The following KIF24 variants were observed in gnomAD, a reference collection of about 807,000 sequenced individuals.
KIF24 encodes kinesin family member 24.
KIF24 carries 81 observed loss-of-function variants against 118.9 expected under a neutral mutation model. That is an observed-to-expected ratio of 0.68 (90% CI 0.57 to 0.82). The LOEUF is 0.82. Ranked by LOEUF, KIF24 falls within the 40% of genes least tolerant of loss-of-function variation. KIF24 has a pLI of 0.00. For synonymous variants in KIF24, 599 were observed against 610.0 expected, an observed-to-expected ratio of 0.98 and a Z score of 0.27; for missense variants, 1,560 against 1,661.6, an observed-to-expected ratio of 0.94 and a Z score of 1.06.
At chr9:34,322,376 CT>C (rs147778137) in intron 1 of KIF24, among the ~76,000 whole-genome samples, 1,719 of 148,658 alleles carry the variant, frequency 0.012, 39 homozygotes, top group African/African-American at 0.039. Context: ...ATAATGATCA[CT>C]TTTTTTTTTA....
chr9:34,308,370 G>A (rs949787992), intron 2 of KIF24, among the ~76,000 whole-genome samples: 8 of 151,070 alleles, frequency 5.3e-5, no homozygotes, highest in Non-Finnish European at 1.2e-4. Flanking sequence ...TGCAACCTCT[G>A]CCTCCTGGGT....
rs1837121994 is a variant in KIF24 at position 34,311,068 on chromosome 9, G to A, written c.279C>T (p.Gly93=). 1 of 1,613,688 alleles carries A rather than the reference G, an allele frequency of 6.2e-7. No individual in the cohort carries two copies. Among genetic ancestry groups the A allele is most frequent in the Admixed American group, 1.7e-5 (1 of 59,962 alleles). ...AATCAAAATTCAGCTGTCTGCGAGG[G>A]CCAGATCTTAATTCCTGAGATTTGA... ...LRIKSQELRS[G]PRRQLNFDSP... The change falls in exon 2 of 13, where the codon GGC becomes GGT. Residue 93 remains glycine (G), a synonymous_variant. Coordinates refer to ENST00000402558, the MANE Select transcript of KIF24 (RefSeq NM_194313.4).
chr9:34,281,962 G>C (rs1389393381), intron 6 of KIF24, among the ~76,000 whole-genome samples: 3 of 152,086 alleles, frequency 2.0e-5, no homozygotes, highest in African/African-American at 7.2e-5. Flanking sequence ...AGTATAAAAT[G>C]GTAAAGTCAC....
At position 34,269,246 on chromosome 9, in the gene KIF24, G is replaced by A. The variant is rs200443968; in HGVS notation, c.1443+11C>T. On this transcript the variant is annotated intron_variant, in intron 8 of 12. Coordinates refer to ENST00000402558, the MANE Select transcript of KIF24 (RefSeq NM_194313.4). ...GAAGGATTTTTAGATTAAAGATTTT[G>A]AACAACTTACAGCCAGTAGACTCTG... 2.0e-5 allele frequency: 30 copies of A among 1,516,990 alleles called. No homozygotes were observed. The East Asian group carries it at 6.4e-4, about 32-fold the overall frequency. 94.0% of individuals were successfully genotyped at this position (1,516,990 alleles called of 1,614,324 possible).
chr9:34,286,481 A>C (rs1314683713), intron 6 of KIF24, 136 bp downstream of exon 6: 7 of 600,742 alleles, frequency 1.2e-5, no homozygotes, highest in African/African-American at 1.1e-4. Context: ...TTCACATTTT[A>C]CAGATGGGAA....
intron 5 of KIF24, among the ~76,000 whole-genome samples, chr9:34,288,848 CCACACACACACACACACACACACACACA>C (rs10537521): frequency 1.4e-5 from 2 of 138,902 alleles, no homozygotes; most frequent in South Asian, 2.4e-4. Flanking sequence ...CCCAAATAAA[CCACACACACACACACACACACACACACA>C]CACACACACA....
chr9:34,268,799 C>T (rs574105808), intron 8 of KIF24, among the ~76,000 whole-genome samples: 2 of 152,318 alleles, frequency 1.3e-5, no homozygotes, highest in East Asian at 3.9e-4. Context: ...TGAGCCACCG[C>T]TCCCAGCTGG....
rs572575464 is a variant in KIF24 at position 34,275,891 on chromosome 9, A to G, written c.1216-3961T>C. ...CACCACAGCCTAATGTTAGGCGAAT[A>G]CAAAGATTATCTCCACCTAACAACC... On this transcript the variant is annotated intron_variant, in intron 6 of 12. Coordinates refer to ENST00000402558, the MANE Select transcript of KIF24 (RefSeq NM_194313.4). Among the ~76,000 whole-genome samples the G allele has an allele frequency of 2.0e-5, 3 of 152,286 alleles. No individual in the cohort carries two copies. In the East Asian group the frequency reaches 5.8e-4, roughly 29 times the overall value.
chr9:34,276,152 G>A (rs944401126), intron 6 of KIF24, among the ~76,000 whole-genome samples: 10 of 151,616 alleles, frequency 6.6e-5, no homozygotes, highest in African/African-American at 1.7e-4. Flanking sequence ...CCTATAATCC[G>A]AGCACTTTGG....
intron 8 of KIF24, among the ~76,000 whole-genome samples, chr9:34,265,404 A>G (rs1191548622): frequency 2.0e-5 from 3 of 152,192 alleles, no homozygotes; most frequent in Non-Finnish European, 4.4e-5. Flanking sequence ...TCCTGGGCTC[A>G]AGTGATCCTC....
At chr9:34,324,243 A>G (rs867349497) in intron 1 of KIF24, among the ~76,000 whole-genome samples, 19 of 152,348 alleles carry the variant, frequency 1.2e-4, no homozygotes, top group African/African-American at 3.4e-4. Flanking sequence ...ATGTCTCCAC[A>G]GTCGAGCATC....
rs775318910 is a variant in KIF24, at chr9:34,295,191, G to GGACAGACAGACA, written c.911+1825_911+1826insTGTCTGTCTGTC. Among the ~76,000 whole-genome samples, 12 of 109,514 alleles carry GGACAGACAGACA rather than the reference G, an allele frequency of 1.1e-4. No homozygotes were observed. In the East Asian group the frequency reaches 3.9e-3, roughly 35 times the overall value. The allele number at this position is 109,514 out of a possible 152,430, so 71.8% of individuals were successfully genotyped here. On this transcript the variant is annotated intron_variant, in intron 4 of 12. Coordinates refer to ENST00000402558, the MANE Select transcript of KIF24 (RefSeq NM_194313.4). ...AGCTAGGTAGGTGGATTGGATGGAT[G>GGACAGACAGACA]GATAGACAGACAGACAGACAGACAG...
chr9:34,258,050 T>A, intron 10 of KIF24, 69 bp from the exon 11 acceptor site: 1 of 1,223,148 alleles, frequency 8.2e-7, no homozygotes, highest in South Asian at 1.5e-5. Context: ...TATAGCTTTC[T>A]GGGAAAACAA....
intron 6 of KIF24, among the ~76,000 whole-genome samples, chr9:34,283,478 A>T (rs1438551698): frequency 1.3e-5 from 2 of 152,212 alleles, no homozygotes; most frequent in Non-Finnish European, 2.9e-5. Context: ...AAAAAAGGTG[A>T]ATGTTACGGT....
chr9:34,258,631 A>G (rs997630365), intron 10 of KIF24, among the ~76,000 whole-genome samples: 11 of 152,202 alleles, frequency 7.2e-5, no homozygotes, highest in African/African-American at 2.7e-4. Context: ...CAGGGCCCAC[A>G]CTGCTTCCTG....
intron 6 of KIF24, chr9:34,282,450 GT>G (rs1835879960): frequency 1.3e-5 from 2 of 151,928 alleles, no homozygotes; most frequent in African/African-American, 4.8e-5. Flanking sequence ...AGTGACAATG[GT>G]TGCATAACTT....
At chr9:34,260,024 C>G (rs13295877) in intron 9 of KIF24, among the ~76,000 whole-genome samples, 6,230 of 152,148 alleles carry the variant, frequency 0.041, 168 homozygotes, top group Middle Eastern at 0.075. Flanking sequence ...ATGAACTGGA[C>G]AAGCTTTCCA....
intron 1 of KIF24, among the ~76,000 whole-genome samples, chr9:34,313,738 GTTTTTT>G (rs5897567): frequency 0.035 from 4,571 of 130,382 alleles, 246 homozygotes; most frequent in African/African-American, 0.12. Flanking sequence ...CCCGTTATCT[GTTTTTT>G]TTTTTTTGTT....
intron 8 of KIF24, among the ~76,000 whole-genome samples, chr9:34,268,024 T>C (rs1433483699): frequency 6.6e-6 from 1 of 152,168 alleles, no homozygotes; most frequent in Non-Finnish European, 1.5e-5. Flanking sequence ...GCACCTTGAT[T>C]TGAACAAGTT....
Sources: allele counts gnomAD v4.1 joint callset (sites outside exome capture counted in the v4.1 genomes callset), GRCh38; gene constraint gnomAD v4.1.1; transcripts MANE v1.5; gene names NCBI Gene and HGNC (gene_info 2026-07-23, HGNC 2026-07-21).